The following NIN variants were observed in gnomAD, a reference collection of about 807,000 sequenced individuals.
NIN encodes ninein.
A neutral mutation model predicts 257.6 loss-of-function variants in NIN; 137 were observed. That is an observed-to-expected ratio of 0.53 (90% CI 0.46 to 0.61). NIN has a LOEUF of 0.61. Ranked by LOEUF, NIN falls within the 20% of genes least tolerant of loss-of-function variation. NIN has a pLI of 0.00. For missense variants in NIN, 2,439 were observed against 2,501.2 expected (o/e 0.98, Z 0.53); for synonymous variants, 918 against 919.8 (o/e 1.00, Z 0.04).
At chr14:50,750,048 A>G (rs562809050) in intron 21 of NIN, among the ~76,000 whole-genome samples, 3 of 152,156 alleles carry the variant, frequency 2.0e-5, no homozygotes, top group African/African-American at 7.2e-5. Flanking sequence ...ATTCTATACT[A>G]TCATTTATTT....
intron 28 of NIN, among the ~76,000 whole-genome samples, chr14:50,734,831 C>G (rs1249079709): frequency 6.6e-6 from 1 of 151,738 alleles, no homozygotes; most frequent in Non-Finnish European, 1.5e-5. Context: ...TACGTGCCAC[C>G]ACACCTGGCT....
In NIN at chr14:50,757,485, T is replaced by G; in HGVS notation, c.3545A>C (p.Glu1182Ala). 6.2e-7 allele frequency: 1 copy of G among 1,614,042 alleles called. No individual in the cohort carries two copies. The highest frequency in any genetic ancestry group is 8.5e-7 in the Non-Finnish European group (1 of 1,180,014). The change falls in exon 18 of 31, where the codon GAG becomes GCG. Residue 1182 changes from glutamate to alanine, a missense_variant. By Grantham distance (107) the Glu-to-Ala change is moderately radical (BLOSUM62 -1). Coordinates refer to ENST00000530997, the MANE Select transcript of NIN (RefSeq NM_020921.4). ...CCTGGTCTCTTCACTGTTTTCAAGC[T>G]CAGAAAAACCCTCTACTGAAGCTTC... ...ESEASVEGFSELENSEETRTE... is the reference protein window; with the variant it reads ...ESEASVEGFSALENSEETRTE...
At position 50,794,356 on chromosome 14, in the gene NIN, T is replaced by C. The variant is rs576434795; in HGVS notation, c.266-1475A>G. On this transcript the variant is annotated intron_variant, in intron 4 of 30. Coordinates refer to ENST00000530997, the MANE Select transcript of NIN (RefSeq NM_020921.4). ...AAAAAGTCCCAGTGAAGTCATTTTA[T>C]TAGGTCGAGTGATTCTCTTACAGGA... The C allele has an allele frequency of 2.7e-4, 64 of 239,966 alleles. 1 individual carries two copies. The South Asian group carries it at 6.2e-3, about 23-fold the overall frequency. 14.9% of individuals were successfully genotyped at this position (239,966 alleles called of 1,614,324 possible). A position where few individuals can be genotyped will look rare whatever the true frequency, so the allele number is the denominator to read the frequency against.
rs539300261 is a variant in NIN at position 50,735,837 on chromosome 14, G to A, written c.5776-220C>T. Among the ~76,000 whole-genome samples the A allele has an allele frequency of 1.8e-4, 27 of 152,308 alleles. 1 individual carries two copies. The South Asian group carries it at 5.2e-3, about 29-fold the overall frequency. ...CACACAGAATAGATTCCTTAAGGCA[G>A]CTGGCTTTTAAACTTGGATGCCACC... On this transcript the variant is annotated intron_variant, in intron 27 of 30. Transcript: ENST00000530997.
chr14:50,760,385 C>T, intron 16 of NIN, 26 bp from the exon 17 acceptor site: 1 of 1,523,300 alleles, frequency 6.6e-7, no homozygotes, highest in Non-Finnish European at 8.8e-7. Flanking sequence ...GACACCACCA[C>T]AAGATTACTC....
At chr14:50,750,109 C>T (rs1027293053) in intron 21 of NIN, among the ~76,000 whole-genome samples, 1 of 152,090 alleles carries the variant, frequency 6.6e-6, no homozygotes, top group Non-Finnish European at 1.5e-5. Flanking sequence ...GCCCTTTTGA[C>T]ATGTCCTTTT....
At chr14:50,817,212 T>C (rs1222033565) in intron 3 of NIN, among the ~76,000 whole-genome samples, 1 of 152,224 alleles carries the variant, frequency 6.6e-6, no homozygotes, top group East Asian at 1.9e-4. Flanking sequence ...AGTTATATTA[T>C]GACAACCCCA....
At chr14:50,805,618 G>A (rs1331353168) in intron 4 of NIN, among the ~76,000 whole-genome samples, 1 of 152,228 alleles carries the variant, frequency 6.6e-6, no homozygotes, top group African/African-American at 2.4e-5. Flanking sequence ...GCTCCCATCT[G>A]TGCCTCACCT....
chr14:50,825,401 T>C (rs1461026910), intron 2 of NIN, among the ~76,000 whole-genome samples: 2 of 152,248 alleles, frequency 1.3e-5, no homozygotes, highest in Non-Finnish European at 2.9e-5. Context: ...TTGATAAATT[T>C]AATGTCAAAT....
chr14:50,820,632 C>CA (rs2045167218), intron 3 of NIN, among the ~76,000 whole-genome samples: 1 of 152,128 alleles, frequency 6.6e-6, no homozygotes, highest in African/African-American at 2.4e-5. Context: ...TTCGAAGCTT[C>CA]ATTTTAAGAT....
At chr14:50,771,548 C>T in intron 9 of NIN, 80 bp from the exon 10 acceptor site, 1 of 1,479,214 alleles carries the variant, frequency 6.8e-7, no homozygotes, top group Non-Finnish European at 9.2e-7. Context: ...GAAGGCTATA[C>T]AAACTCTGAG....
chr14:50,790,717 G>A (rs1035750173), intron 5 of NIN, among the ~76,000 whole-genome samples: 2 of 152,170 alleles, frequency 1.3e-5, no homozygotes, highest in Non-Finnish European at 2.9e-5. Context: ...GGAGTTAAGG[G>A]AAGTTGTAAG....
intron 7 of NIN, 88 bp from the exon 8 acceptor site, chr14:50,773,183 T>C (rs1196659696): frequency 9.7e-6 from 10 of 1,029,646 alleles, no homozygotes; most frequent in Non-Finnish European, 1.0e-5. Flanking sequence ...ATCAGTACCA[T>C]GGTTGGTCCC....
At chr14:50,780,472 T>C (rs1465467021) in intron 5 of NIN, among the ~76,000 whole-genome samples, 1 of 152,168 alleles carries the variant, frequency 6.6e-6, no homozygotes, top group Non-Finnish European at 1.5e-5. Context: ...GCACGTAAAA[T>C]TTTTAGATGA....
At chr14:50,759,467 ACTT>A (rs980559933) in intron 17 of NIN, among the ~76,000 whole-genome samples, 3 of 151,756 alleles carry the variant, frequency 2.0e-5, no homozygotes, top group South Asian at 2.1e-4. Context: ...ATGCCTTCTG[ACTT>A]CTTCAAGTCT....
intron 2 of NIN, among the ~76,000 whole-genome samples, chr14:50,830,043 C>T (rs1363602878): frequency 1.3e-5 from 2 of 152,236 alleles, no homozygotes; most frequent in African/African-American, 4.8e-5. Flanking sequence ...CAAAAATCTC[C>T]ACTTTCCGGG....
At chr14:50,742,615 T>TG (rs2041344536) in intron 24 of NIN, among the ~76,000 whole-genome samples, 1 of 152,008 alleles carries the variant, frequency 6.6e-6, no homozygotes, top group Non-Finnish European at 1.5e-5. Flanking sequence ...AGGATGGTCT[T>TG]GATCTCTTGA....
chr14:50,721,896 TTTG>T lies in NIN; in HGVS notation c.*1564_*1566del, dbSNP rs1338078104. 1 of 225,034 alleles carries T rather than the reference TTTG, an allele frequency of 4.4e-6. No individual in the cohort carries two copies. Among genetic ancestry groups the T allele is most frequent in the Non-Finnish European group, 8.9e-6 (1 of 112,768 alleles). 13.9% of individuals were successfully genotyped at this position (225,034 alleles called of 1,614,324 possible). A position where few individuals can be genotyped will look rare whatever the true frequency, so the allele number is the denominator to read the frequency against. On this transcript the variant is annotated 3_prime_UTR_variant, in exon 31 of 31. Transcript: ENST00000530997. ...CCTGAAGTTCCCTGATGGAAATTAT[TTTG>T]TTGAGATTGAGTTTCTGACATGATG...
At position 50,741,393 on chromosome 14, in the gene NIN, AAG is replaced by A. The variant is rs572372205; in HGVS notation, c.5448+187_5448+188del. The stretch of plus-strand genomic sequence containing the variant: ...CTTGGGGTTACCAACTGGAGGGAAC[AAG>A]AGAGAGCCTGCTGAGTGCTGGAAAT... On this transcript the variant is annotated intron_variant, in intron 25 of 30. Transcript: ENST00000530997. Among the ~76,000 whole-genome samples, 11 of 152,380 alleles carry A rather than the reference AAG, an allele frequency of 7.2e-5. No homozygotes were observed. In the South Asian group the frequency reaches 2.3e-3, roughly 32 times the overall value.
Sources: gnomAD v4.1 joint callset for allele counts (sites outside exome capture counted in the v4.1 genomes callset) on GRCh38, gnomAD v4.1.1 for gene constraint, MANE v1.5 for transcripts, NCBI Gene and HGNC (gene_info 2026-07-23, HGNC 2026-07-21) for gene names.